Variants in CAMTA1 observed in about 807,000 individuals in gnomAD.
The protein encoded by CAMTA1 is calmodulin binding transcription activator 1.
In CAMTA1, 27 loss-of-function variants were observed where a neutral mutation model predicts 170.9. The ratio of observed to expected loss-of-function variants is 0.16; its 90% CI spans 0.12 to 0.22. CAMTA1 has a LOEUF of 0.22. CAMTA1 is among the 10% of genes least tolerant of loss of function. The probability of loss-of-function intolerance (pLI) is 1.00; values close to 1 mark genes in which losing one functional copy is unlikely to be tolerated. For synonymous variants in CAMTA1, 833 were observed against 891.5 expected (o/e 0.93, Z 1.17); for missense variants, 1,619 against 2,217.2 (o/e 0.73, Z 5.42).
At chr1:6,986,262 C>G (rs559295310) in intron 3 of CAMTA1, among the ~76,000 whole-genome samples, 2 of 152,320 alleles carry the variant, frequency 1.3e-5, no homozygotes, top group South Asian at 2.1e-4. Context: ...GGCGAGGCAG[C>G]TCTGAGCATC....
Position 7,249,621 on chromosome 1 carries a change from G to A in CAMTA1, c.433G>A (p.Val145Met). The A allele has an allele frequency of 1.4e-5, 22 of 1,613,904 alleles. No individual in the cohort carries two copies. Among genetic ancestry groups the A allele is most frequent in the Non-Finnish European group, 1.9e-5 (22 of 1,179,950 alleles). Residue 145 changes from valine (V) to methionine (M), a missense_variant, in exon 5 of 23, where the codon GTG becomes ATG. Physicochemically the swap from Val to Met is conservative, Grantham distance 21. This residue lies in a region of CAMTA1 where 97 missense variants were observed against 225.4 expected (regional missense o/e 0.43). Transcript: ENST00000303635. The surrounding 1 kb of genome is among the most constrained non-coding windows in gnomAD (Gnocchi z 4.4). ...EDHMKLKVQGVECLYGCYVHS... is the reference protein window; with the variant it reads ...EDHMKLKVQGMECLYGCYVHS... ...CCACATGAAACTCAAGGTCCAGGGA[G>A]TGGAGGTAAACAGCAGAAAAGGTTC...
At chr1:7,712,059 A>G (rs1445735564) in intron 11 of CAMTA1, among the ~76,000 whole-genome samples, 1 of 152,246 alleles carries the variant, frequency 6.6e-6, no homozygotes, top group Non-Finnish European at 1.5e-5. Context: ...CTATCAATAT[A>G]TAACATACAA....
intron 3 of CAMTA1, among the ~76,000 whole-genome samples, chr1:7,045,391 G>C (rs888339859): frequency 3.9e-5 from 6 of 152,094 alleles, no homozygotes; most frequent in Admixed American, 3.9e-4. Flanking sequence ...TGTTCATTCT[G>C]TCCTCAGCTG....
At chr1:7,584,743 T>C (rs552319549) in intron 6 of CAMTA1, among the ~76,000 whole-genome samples, 5 of 152,280 alleles carry the variant, frequency 3.3e-5, no homozygotes, top group African/African-American at 1.2e-4. Context: ...TGTACTTAGC[T>C]AGACCAGAGG....
chr1:7,650,324 A>G (rs565239350), intron 7 of CAMTA1, among the ~76,000 whole-genome samples: 2 of 152,274 alleles, frequency 1.3e-5, no homozygotes, highest in African/African-American at 2.4e-5. Flanking sequence ...GTCACTGAGC[A>G]CCTTGGAGAT....
intron 5 of CAMTA1, among the ~76,000 whole-genome samples, chr1:7,318,560 A>G (rs1328298348): frequency 1.3e-5 from 2 of 152,218 alleles, no homozygotes; most frequent in Admixed American, 6.5e-5. Flanking sequence ...AATCACAGCT[A>G]ATATGAGCTC....
At chr1:7,357,675 C>T (rs572752557) in intron 5 of CAMTA1, among the ~76,000 whole-genome samples, 28 of 72,304 alleles carry the variant, frequency 3.9e-4, no homozygotes, top group African/African-American at 1.4e-3. Flanking sequence ...TTCTGGTTTG[C>T]TTGCTTTTGT....
At chr1:6,978,541 G>A (rs1252838380) in intron 3 of CAMTA1, among the ~76,000 whole-genome samples, 1 of 152,126 alleles carries the variant, frequency 6.6e-6, no homozygotes, top group Non-Finnish European at 1.5e-5. Context: ...GGCTGAGGCA[G>A]GAGAGTCACT....
At chr1:7,106,787 T>C (rs1368919228) in intron 4 of CAMTA1, among the ~76,000 whole-genome samples, 1 of 152,106 alleles carries the variant, frequency 6.6e-6, no homozygotes, top group Non-Finnish European at 1.5e-5. Context: ...CTCATGAACC[T>C]GCTCTCCTAA....
intron 5 of CAMTA1, among the ~76,000 whole-genome samples, chr1:7,379,756 T>G (rs564379599): frequency 2.0e-5 from 3 of 152,244 alleles, no homozygotes; most frequent in Non-Finnish European, 4.4e-5. Flanking sequence ...TCTTTGTTTC[T>G]GACACCTCGC....
chr1:7,466,465 A>G lies in CAMTA1; in HGVS notation c.439-1365A>G, dbSNP rs2093213331. Among the ~76,000 whole-genome samples the G allele has an allele frequency of 2.0e-5, 3 of 152,240 alleles. No individual in the cohort carries two copies. The South Asian group carries it at 6.2e-4, about 32-fold the overall frequency. On this transcript the variant is annotated intron_variant, in intron 5 of 22. Coordinates refer to ENST00000303635, the MANE Select transcript of CAMTA1 (RefSeq NM_015215.4). ...GATTTCTCTGTCAACTCTGCTAATC[A>G]GACAGGCAGGGCTCCGATGGACTCC...
At chr1:7,632,584 C>G (rs1273560817) in intron 6 of CAMTA1, among the ~76,000 whole-genome samples, 1 of 152,236 alleles carries the variant, frequency 6.6e-6, no homozygotes, top group Non-Finnish European at 1.5e-5. Flanking sequence ...TTTTTAACCA[C>G]TTCTTGCATC....
At chr1:7,747,977 A>T (rs1172938907) in intron 19 of CAMTA1, among the ~76,000 whole-genome samples, 196 bp downstream of exon 19, 1 of 150,258 alleles carries the variant, frequency 6.7e-6, no homozygotes, top group Non-Finnish European at 1.5e-5. Flanking sequence ...CAGTGGCATG[A>T]TCTGGGCTCA....
At chr1:7,117,846 C>T (rs1644424101) in intron 4 of CAMTA1, among the ~76,000 whole-genome samples, 1 of 152,230 alleles carries the variant, frequency 6.6e-6, no homozygotes, top group South Asian at 2.1e-4. Flanking sequence ...CCAGCCAATT[C>T]CCGTTCTGCT....
At chr1:7,217,572 T>C (rs1023675932) in intron 4 of CAMTA1, among the ~76,000 whole-genome samples, 4 of 152,166 alleles carry the variant, frequency 2.6e-5, no homozygotes, top group Admixed American at 2.6e-4. Context: ...TATTATGTTC[T>C]ACTTGCTGTA....
chr1:7,461,088 C>A (rs888704353), intron 5 of CAMTA1, among the ~76,000 whole-genome samples: 1 of 152,204 alleles, frequency 6.6e-6, no homozygotes, highest in Non-Finnish European at 1.5e-5. Context: ...CTGCCGCCCC[C>A]GCGGGTATTA....
At chr1:7,629,221 G>A (rs908494670) in intron 6 of CAMTA1, among the ~76,000 whole-genome samples, 9 of 152,222 alleles carry the variant, frequency 5.9e-5, no homozygotes, top group Non-Finnish European at 1.2e-4. Context: ...ACAGGTCCCT[G>A]GCAAGAGAGA....
chr1:7,137,940 T>C (rs1645636840), intron 4 of CAMTA1, among the ~76,000 whole-genome samples: 1 of 152,194 alleles, frequency 6.6e-6, no homozygotes, highest in Admixed American at 6.5e-5. Flanking sequence ...CCCTGGAGCA[T>C]AGAATCATGC....
At chr1:7,160,985 G>T (rs949504385) in intron 4 of CAMTA1, among the ~76,000 whole-genome samples, 1 of 152,160 alleles carries the variant, frequency 6.6e-6, no homozygotes, top group African/African-American at 2.4e-5. Flanking sequence ...AAGCCCATCT[G>T]AGTTCAGGGT....
Sources: gnomAD v4.1 joint callset for allele counts (sites outside exome capture counted in the v4.1 genomes callset) on GRCh38, gnomAD v4.1.1 for gene constraint, gnomAD v4.1.1 regional missense constraint, Gnocchi (gnomAD v3.1) non-coding constraint, MANE v1.5 for transcripts, NCBI Gene and HGNC (gene_info 2026-07-23, HGNC 2026-07-21) for gene names.